NTM: variants seen among roughly 807,000 people sequenced by gnomAD.
NTM encodes neurotrimin.
A neutral mutation model predicts 42.1 loss-of-function variants in NTM; 13 were observed. That is an observed-to-expected ratio of 0.31 (90% CI 0.20 to 0.49). The LOEUF (loss-of-function observed/expected upper bound fraction) is 0.49, where lower values mean the gene tolerates loss of function less well. NTM is among the 20% of genes least tolerant of loss of function. The pLI is 0.99. For missense variants in NTM, 373 were observed against 452.8 expected, an observed-to-expected ratio of 0.82 and a Z score of 1.60; for synonymous variants, 187 against 179.2, an observed-to-expected ratio of 1.04 and a Z score of -0.35.
chr11:132,135,572 G>A (rs1205544416), intron 2 of NTM, among the ~76,000 whole-genome samples: 2 of 152,216 alleles, frequency 1.3e-5, no homozygotes, highest in South Asian at 2.1e-4. Context: ...ACCCACCAGG[G>A]TGACCAGGCC....
chr11:132,322,486 A>T (rs1242547508), intron 7 of NTM, among the ~76,000 whole-genome samples: 2 of 129,598 alleles, frequency 1.5e-5, no homozygotes, highest in Admixed American at 1.6e-4. Flanking sequence ...TAACTATCCT[A>T]AATATATATG....
chr11:131,485,394 T>C (rs898882754), intron 1 of NTM, among the ~76,000 whole-genome samples: 21 of 152,220 alleles, frequency 1.4e-4, no homozygotes, highest in African/African-American at 4.8e-4. Flanking sequence ...GCAGGCATTT[T>C]GTATAGATTA....
intron 1 of NTM, among the ~76,000 whole-genome samples, chr11:131,850,117 T>G (rs1283883853): frequency 6.6e-6 from 1 of 152,106 alleles, no homozygotes; most frequent in Non-Finnish European, 1.5e-5. Flanking sequence ...TTAGTGTAGA[T>G]GTAAACACTT....
intron 1 of NTM, among the ~76,000 whole-genome samples, chr11:131,650,370 A>G (rs1285467712): frequency 6.6e-6 from 1 of 152,084 alleles, no homozygotes; most frequent in Non-Finnish European, 1.5e-5. Context: ...CTTCTCCTAC[A>G]TTACTGACCT....
intron 1 of NTM, among the ~76,000 whole-genome samples, chr11:131,836,266 C>T (rs2043480688): frequency 6.6e-6 from 1 of 152,330 alleles, no homozygotes; most frequent in Middle Eastern, 3.4e-3. Flanking sequence ...TCCTTCTGTT[C>T]TCCAAGGTTT....
chr11:131,683,441 T>C (rs2073322055), intron 1 of NTM, among the ~76,000 whole-genome samples: 1 of 152,186 alleles, frequency 6.6e-6, no homozygotes, highest in East Asian at 1.9e-4. Flanking sequence ...GATAATGCAA[T>C]AGGCTCCAGA....
intron 1 of NTM, among the ~76,000 whole-genome samples, chr11:131,874,095 T>C (rs1354686042): frequency 4.5e-5 from 5 of 111,420 alleles, no homozygotes; most frequent in Non-Finnish European, 1.0e-4. Flanking sequence ...GTCCCAAGCC[T>C]TGATGGTTGC....
At chr11:132,262,346 C>A (rs1462655313) in intron 4 of NTM, among the ~76,000 whole-genome samples, 4 of 152,182 alleles carry the variant, frequency 2.6e-5, no homozygotes, top group Admixed American at 6.5e-5. Flanking sequence ...GGACTTTTGG[C>A]CATTTTGTTT....
chr11:131,692,018 C>T (rs1316638338), intron 1 of NTM, among the ~76,000 whole-genome samples: 1 of 152,236 alleles, frequency 6.6e-6, no homozygotes, highest in Non-Finnish European at 1.5e-5. Flanking sequence ...AGGCATCCCA[C>T]ATGGCCCCTA....
At chr11:131,530,902 G>T (rs925718142) in intron 1 of NTM, among the ~76,000 whole-genome samples, 1 of 152,222 alleles carries the variant, frequency 6.6e-6, no homozygotes, top group African/African-American at 2.4e-5. Context: ...ACTATACCTT[G>T]CTAGAGGTGG....
intron 1 of NTM, among the ~76,000 whole-genome samples, chr11:131,619,825 T>C (rs2062340587): frequency 6.6e-6 from 1 of 152,126 alleles, no homozygotes; most frequent in Non-Finnish European, 1.5e-5. Flanking sequence ...TCTTTTTTTT[T>C]TTTTTTCCTT....
chr11:131,671,614 G>T, intron 1 of NTM: 1 of 985,368 alleles, frequency 1.0e-6, no homozygotes, highest in Non-Finnish European at 1.2e-6. Flanking sequence ...CGACTTGGCA[G>T]AGGTGGCAAA....
chr11:131,900,828 A>G (rs1006103999), intron 1 of NTM, among the ~76,000 whole-genome samples: 1 of 152,212 alleles, frequency 6.6e-6, no homozygotes, highest in Non-Finnish European at 1.5e-5. Context: ...TTTATGGAAC[A>G]ATTTTGAGTA....
intron 1 of NTM, among the ~76,000 whole-genome samples, chr11:131,740,175 G>C (rs1020378990): frequency 1.3e-5 from 2 of 152,178 alleles, no homozygotes; most frequent in Non-Finnish European, 2.9e-5. Flanking sequence ...CATGGGCTAC[G>C]TTGTAAGAGT....
intron 1 of NTM, among the ~76,000 whole-genome samples, chr11:131,436,182 G>A (rs923297802): frequency 1.1e-4 from 17 of 152,084 alleles, no homozygotes; most frequent in Non-Finnish European, 2.4e-4. Context: ...TGCTAGATTC[G>A]ATTTGCCAGT....
chr11:131,787,061 T>C (rs1164130276), intron 1 of NTM, among the ~76,000 whole-genome samples: 1 of 152,202 alleles, frequency 6.6e-6, no homozygotes. Flanking sequence ...ACCAAATGTT[T>C]GAAAATTAAC....
At chr11:132,198,020 G>A (rs915888650) in intron 3 of NTM, among the ~76,000 whole-genome samples, 22 of 151,938 alleles carry the variant, frequency 1.4e-4, no homozygotes, top group Admixed American at 9.8e-4. Context: ...ACCCAGTAAC[G>A]GGATGGCTGG....
intron 2 of NTM, among the ~76,000 whole-genome samples, chr11:132,133,834 C>T (rs1325514841): frequency 6.6e-6 from 1 of 152,122 alleles, no homozygotes; most frequent in Non-Finnish European, 1.5e-5. Flanking sequence ...GATTTTTCTC[C>T]TGCCATTCGG....
At chr11:132,150,888 A>G (rs922055601) in intron 3 of NTM, among the ~76,000 whole-genome samples, 6 of 152,232 alleles carry the variant, frequency 3.9e-5, no homozygotes, top group African/African-American at 1.4e-4. Flanking sequence ...GAATGAGTTC[A>G]GATACCTGGA....
Sources: gnomAD v4.1 joint callset for allele counts (sites outside exome capture counted in the v4.1 genomes callset) on GRCh38, gnomAD v4.1.1 for gene constraint, MANE v1.5 for transcripts, NCBI Gene and HGNC (gene_info 2026-07-23, HGNC 2026-07-21) for gene names.